Variants in ADGRV1 observed in about 807,000 individuals in gnomAD.
The protein encoded by ADGRV1 is adhesion G protein-coupled receptor V1, also known as G-protein coupled receptor 98.
A neutral mutation model predicts 596.2 loss-of-function variants in ADGRV1; 359 were observed. That is an observed-to-expected ratio of 0.60 (90% CI 0.55 to 0.66). The LOEUF (loss-of-function observed/expected upper bound fraction) is 0.66. ADGRV1 is among the 30% of genes least tolerant of loss of function. The probability of loss-of-function intolerance (pLI) is 0.00; values close to 1 mark genes in which losing one functional copy is unlikely to be tolerated. For missense variants in ADGRV1, 7,274 were observed against 7,575.6 expected (o/e 0.96, Z 1.48); for synonymous variants, 2,681 against 2,679.2 (o/e 1.00, Z -0.02).
chr5:90,804,012 G>A (rs1478687088), intron 71 of ADGRV1, among the ~76,000 whole-genome samples: 1 of 152,182 alleles, frequency 6.6e-6, no homozygotes, highest in Non-Finnish European at 1.5e-5. Flanking sequence ...GCACGCATGT[G>A]TGTGTGTATG....
chr5:90,764,774 A>G (rs1390247610), intron 59 of ADGRV1, among the ~76,000 whole-genome samples: 6 of 152,220 alleles, frequency 3.9e-5, no homozygotes, highest in African/African-American at 1.4e-4. Context: ...ACTCTAGAGC[A>G]GAGAGATCTC....
At chr5:91,035,859 T>TAAAAA (rs1562121624) in intron 85 of ADGRV1, among the ~76,000 whole-genome samples, 2 of 43,870 alleles carry the variant, frequency 4.6e-5, no homozygotes, top group Non-Finnish European at 1.2e-4. Context: ...TATATATATA[T>TAAAAA]ATTATATATA....
chr5:90,656,938 A>G (rs773375384), intron 20 of ADGRV1, among the ~76,000 whole-genome samples: 8 of 152,150 alleles, frequency 5.3e-5, no homozygotes, highest in Non-Finnish European at 8.8e-5. Flanking sequence ...CAAGACTTAC[A>G]TATAATGTTT....
At chr5:90,877,039 T>C (rs1463349694) in intron 83 of ADGRV1, among the ~76,000 whole-genome samples, 1 of 152,120 alleles carries the variant, frequency 6.6e-6, no homozygotes, top group Admixed American at 6.5e-5. Flanking sequence ...CAGCATATAG[T>C]GGGAACCAAA....
chr5:90,797,991 C>T (rs571588128), intron 70 of ADGRV1, among the ~76,000 whole-genome samples: 20 of 152,010 alleles, frequency 1.3e-4, no homozygotes, highest in East Asian at 3.9e-4. Flanking sequence ...GATCTAAAAT[C>T]GACACCCTAA....
chr5:90,837,130 A>G (rs1362759362), intron 77 of ADGRV1, among the ~76,000 whole-genome samples: 4 of 152,256 alleles, frequency 2.6e-5, no homozygotes, highest in Non-Finnish European at 5.9e-5. Context: ...AGTTTGTGAT[A>G]TAAAGTTAAG....
chr5:90,640,761 C>T (rs1766866733), intron 11 of ADGRV1: 1 of 152,624 alleles, frequency 6.6e-6, no homozygotes, highest in South Asian at 2.1e-4. Flanking sequence ...AAGTTTCTCA[C>T]AGTATTAGTG....
intron 85 of ADGRV1, among the ~76,000 whole-genome samples, chr5:91,032,160 C>T (rs1784534056): frequency 6.6e-6 from 1 of 152,134 alleles, no homozygotes. Flanking sequence ...GAGGGAACAG[C>T]CAGTGCAAAG....
chr5:90,810,702 A>C lies in ADGRV1; in HGVS notation c.15442A>C (p.Thr5148Pro). ...GACAACTGTGGCTGTAGCAGTTGAC[A>C]CAACTCTCATTCCTGTAGAAACTGA... ...PETTVAVAVDTTLIPVETEST... is the reference protein window; with the variant it reads ...PETTVAVAVDPTLIPVETEST... Residue 5148 changes from threonine (T) to proline (P), a missense_variant, in exon 74 of 90, where the codon ACA (threonine) becomes CCA (proline). Physicochemically the swap from Thr to Pro is conservative, Grantham distance 38. This residue lies in a region of ADGRV1 where 1,874 missense variants were observed against 1,970.2 expected (regional missense o/e 0.95). Coordinates refer to ENST00000405460, the MANE Select transcript of ADGRV1 (RefSeq NM_032119.4). 1 of 1,613,862 alleles carries C rather than the reference A, an allele frequency of 6.2e-7. No individual in the cohort carries two copies. Among genetic ancestry groups the C allele is most frequent in the African/African-American group, 1.3e-5 (1 of 75,012 alleles).
intron 4 of ADGRV1, among the ~76,000 whole-genome samples, chr5:90,620,511 G>A (rs1367366580): frequency 2.0e-5 from 3 of 152,174 alleles, no homozygotes; most frequent in African/African-American, 7.2e-5. Flanking sequence ...TTTGTCAGAT[G>A]AGTAGATTGC....
intron 5 of ADGRV1, 124 bp downstream of exon 5, chr5:90,622,825 C>G: frequency 2.7e-6 from 1 of 367,404 alleles, no homozygotes; most frequent in Non-Finnish European, 4.9e-6. Flanking sequence ...AATGCAACCT[C>G]TGCCTCCCAG....
chr5:91,140,494 T>G (rs1263385956), intron 87 of ADGRV1, among the ~76,000 whole-genome samples: 1 of 152,236 alleles, frequency 6.6e-6, no homozygotes, highest in Admixed American at 6.5e-5. Context: ...ATTTTTGTAA[T>G]TTTTTAAAAA....
At chr5:90,708,715 C>T in intron 38 of ADGRV1, 101 bp from the exon 39 acceptor site, 8 of 626,276 alleles carry the variant, frequency 1.3e-5, no homozygotes, top group South Asian at 3.1e-5. Flanking sequence ...ATTTTTGTAT[C>T]TTCTGTATAC....
chr5:90,860,849 A>T (rs1767485012), intron 82 of ADGRV1, among the ~76,000 whole-genome samples: 1 of 152,162 alleles, frequency 6.6e-6, no homozygotes, highest in African/African-American at 2.4e-5. Flanking sequence ...TAAATATTTT[A>T]AGGAAAATTT....
intron 73 of ADGRV1, among the ~76,000 whole-genome samples, chr5:90,808,051 C>T (rs1306063248): frequency 1.3e-5 from 2 of 152,168 alleles, no homozygotes; most frequent in African/African-American, 2.4e-5. Context: ...CTGAAAATAC[C>T]TGATTGCCCC....
At chr5:90,654,250 A>T in intron 20 of ADGRV1, 1 of 373,222 alleles carries the variant, frequency 2.7e-6, no homozygotes, top group Non-Finnish European at 5.0e-6. Flanking sequence ...TGAAAGAGGA[A>T]TGTTTGTCCT....
At chr5:90,996,605 T>C (rs1299131191) in intron 85 of ADGRV1, among the ~76,000 whole-genome samples, 1 of 152,118 alleles carries the variant, frequency 6.6e-6, no homozygotes, top group African/African-American at 2.4e-5. Context: ...ACAGAGTCCC[T>C]ACTGGGACAC....
chr5:90,955,567 T>C (rs1304243650), intron 83 of ADGRV1, among the ~76,000 whole-genome samples: 1 of 152,184 alleles, frequency 6.6e-6, no homozygotes, highest in Non-Finnish European at 1.5e-5. Flanking sequence ...AATGAATGAT[T>C]AGATAAAGGA....
At chr5:90,724,704 A>G in intron 45 of ADGRV1, 128 bp from the exon 46 acceptor site, 2 of 774,578 alleles carry the variant, frequency 2.6e-6, no homozygotes, top group South Asian at 1.7e-5. Flanking sequence ...TCACACTCAT[A>G]CACACGTCAT....
Sources: allele counts gnomAD v4.1 joint callset (sites outside exome capture counted in the v4.1 genomes callset), GRCh38; gene constraint gnomAD v4.1.1; regional missense constraint gnomAD v4.1.1; transcripts MANE v1.5; gene names NCBI Gene and HGNC (gene_info 2026-07-23, HGNC 2026-07-21).